ALMS1: variants seen among roughly 807,000 people sequenced by gnomAD.
The protein encoded by ALMS1 is centrosome-associated protein ALMS1.
Under a neutral mutation model 352.2 loss-of-function variants are expected in ALMS1, and 271 were observed. That is an observed-to-expected ratio of 0.77 (90% CI 0.70 to 0.85). The LOEUF (loss-of-function observed/expected upper bound fraction) is 0.85, where lower values mean the gene tolerates loss of function less well. Ranked by LOEUF, ALMS1 falls within the 40% of genes least tolerant of loss-of-function variation. The probability of loss-of-function intolerance (pLI) is 0.00; values close to 1 mark genes in which losing one functional copy is unlikely to be tolerated. For missense variants in ALMS1, 5,445 were observed against 4,870.7 expected (o/e 1.12, Z -3.51); for synonymous variants, 1,865 against 1,761.2 (o/e 1.06, Z -1.48).
chr2:73,580,636 C>G (rs1416722976), intron 16 of ALMS1, among the ~76,000 whole-genome samples: 1 of 152,294 alleles, frequency 6.6e-6, no homozygotes, highest in South Asian at 2.1e-4. Flanking sequence ...TTTCATGCCT[C>G]ATAATGTTAT....
Position 73,573,224 on chromosome 2 carries a change from T to C in ALMS1, c.11347T>C (p.Ser3783Pro). ...TCTGCACGAAAGGAGTAGCTCTGTT[T>C]CCACTATTGACACTGCCCGGCTGAT... Reference protein sequence around the residue: ...VALHERSSSVSTIDTARLIQA... With the variant: ...VALHERSSSVPTIDTARLIQA... The change falls in exon 16 of 23, where the codon TCC becomes CCC. Residue 3783 changes from serine (S) to proline (P), a missense_variant. Coordinates refer to ENST00000613296, the MANE Select transcript of ALMS1 (RefSeq NM_001378454.1). 1 of 1,613,144 alleles carries C rather than the reference T, an allele frequency of 6.2e-7. No homozygotes were observed. Among genetic ancestry groups the C allele is most frequent in the Non-Finnish European group, 8.5e-7 (1 of 1,179,250 alleles).
At chr2:73,560,359 C>T (rs1674631290) in intron 15 of ALMS1, among the ~76,000 whole-genome samples, 2 of 152,128 alleles carry the variant, frequency 1.3e-5, no homozygotes, top group African/African-American at 2.4e-5. Context: ...TCACTCACAC[C>T]TGTTAGGATG....
chr2:73,512,665 A>G lies in ALMS1; in HGVS notation c.9540-7110A>G, dbSNP rs1296866665. Among the ~76,000 whole-genome samples the G allele has an allele frequency of 4.6e-5, 7 of 151,984 alleles. No homozygotes were observed. The East Asian group carries it at 7.7e-4, about 17-fold the overall frequency. Reference sequence around the variant, plus strand: ...GTACAAAACCAAGTTTTCTTATTCTATTTATTGTTACTATTGTAATTTGTT... The same window carrying G: ...GTACAAAACCAAGTTTTCTTATTCTGTTTATTGTTACTATTGTAATTTGTT... On this transcript the variant is annotated intron_variant, in intron 10 of 22. Coordinates refer to ENST00000613296, the MANE Select transcript of ALMS1 (RefSeq NM_001378454.1).
rs1321803817 is a variant in ALMS1 at position 73,573,042 on chromosome 2, G to A, written c.11165G>A (p.Ser3722Asn). Residue 3722 changes from serine to asparagine, a missense_variant, in exon 16 of 23, where the codon AGT (serine) becomes AAT (asparagine). Transcript: ENST00000613296. ...ATTAAATTTGATAAATATATTCTGA[G>A]TAAACAGCCAGGTTTTAATTATATA... is the stretch of plus-strand genomic sequence containing the variant. Reference protein sequence around the residue: ...EQIKFDKYILSKQPGFNYISN... With the variant: ...EQIKFDKYILNKQPGFNYISN... 6.2e-7 allele frequency: 1 copy of A among 1,614,052 alleles called. No homozygotes were observed. Among genetic ancestry groups the A allele is most frequent in the Non-Finnish European group, 8.5e-7 (1 of 1,179,984 alleles).
At chr2:73,545,840 T>C (rs1674303721) in intron 12 of ALMS1, among the ~76,000 whole-genome samples, 1 of 152,242 alleles carries the variant, frequency 6.6e-6, no homozygotes, top group Non-Finnish European at 1.5e-5. Context: ...TATGAACATA[T>C]GACTACGGAA....
intron 9 of ALMS1, among the ~76,000 whole-genome samples, chr2:73,467,724 C>A (rs1255112259): frequency 1.3e-5 from 2 of 152,002 alleles, no homozygotes; most frequent in Non-Finnish European, 2.9e-5. Context: ...ATCAATTATG[C>A]TTTATTCATC....
intron 16 of ALMS1, among the ~76,000 whole-genome samples, chr2:73,587,619 T>C (rs1026314944): frequency 6.6e-6 from 1 of 152,232 alleles, no homozygotes; most frequent in African/African-American, 2.4e-5. Context: ...GCATCCCTGG[T>C]ATGAAACCCA....
chr2:73,437,395 A>AG (rs1332558212), intron 7 of ALMS1, among the ~76,000 whole-genome samples: 1 of 152,160 alleles, frequency 6.6e-6, no homozygotes, highest in Non-Finnish European at 1.5e-5. Flanking sequence ...AGCTGGGGGT[A>AG]GGGATGATTA....
At chr2:73,496,094 C>T (rs1011406128) in intron 10 of ALMS1, among the ~76,000 whole-genome samples, 1 of 152,220 alleles carries the variant, frequency 6.6e-6, no homozygotes, top group African/African-American at 2.4e-5. Context: ...ATTCTGCATT[C>T]CATCTTTGCC....
intron 10 of ALMS1, among the ~76,000 whole-genome samples, chr2:73,505,428 A>T (rs1328614045): frequency 6.6e-6 from 1 of 152,172 alleles, no homozygotes; most frequent in East Asian, 1.9e-4. Context: ...CTGGTGTGAG[A>T]TGGTATCTCA....
intron 21 of ALMS1, among the ~76,000 whole-genome samples, chr2:73,605,944 T>C (rs559932468): frequency 2.2e-4 from 34 of 152,328 alleles, no homozygotes; most frequent in African/African-American, 7.2e-4. Flanking sequence ...CAGTAACTTC[T>C]CTCGTTTCCA....
chr2:73,580,019 T>A (rs1675140766), intron 16 of ALMS1, among the ~76,000 whole-genome samples: 1 of 152,210 alleles, frequency 6.6e-6, no homozygotes, highest in South Asian at 2.1e-4. Flanking sequence ...CATCTGTTGG[T>A]AAGTTTGATG....
chr2:73,410,803 GTTAT>G (rs148573622), intron 2 of ALMS1, among the ~76,000 whole-genome samples: 5,417 of 152,214 alleles, frequency 0.036, 311 homozygotes, highest in African/African-American at 0.12. Flanking sequence ...GAGGAAAAAT[GTTAT>G]TAGTGTTACT....
Position 73,453,777 on chromosome 2 carries a change from G to T in ALMS1, c.7250G>T (p.Ser2417Ile), listed in dbSNP as rs780529444. 17 of 1,614,136 alleles carry T rather than the reference G, an allele frequency of 1.1e-5. No individual in the cohort carries two copies. The South Asian group carries it at 1.5e-4, about 15-fold the overall frequency. ...MMTVIKSDSS[S>I]DASDGNGSCS... The stretch of plus-strand genomic sequence containing the variant: ...ACTGTCATAAAAAGTGATTCAAGTA[G>T]TGATGCCAGTGATGGAAATGGTTCC... The change falls in exon 8 of 23, where the codon AGT becomes ATT. Residue 2417 changes from serine (S) to isoleucine (I), a missense_variant. Ser to Ile is a moderately radical substitution (Grantham distance 142). Transcript: ENST00000613296.
At chr2:73,443,870 A>AAG (rs1671761423) in intron 7 of ALMS1, among the ~76,000 whole-genome samples, 1 of 152,196 alleles carries the variant, frequency 6.6e-6, no homozygotes. Flanking sequence ...AGTTGTAATG[A>AAG]AGGCCTATGG....
At chr2:73,461,720 G>A (rs559266056) in intron 9 of ALMS1, among the ~76,000 whole-genome samples, 2 of 152,102 alleles carry the variant, frequency 1.3e-5, no homozygotes, top group African/African-American at 2.4e-5. Context: ...AAAATTAGAC[G>A]AATGGATACC....
chr2:73,511,863 TGTC>T (rs1271731560), intron 10 of ALMS1, among the ~76,000 whole-genome samples: 1 of 152,116 alleles, frequency 6.6e-6, no homozygotes. Context: ...TGTTTCAAAA[TGTC>T]AGTGCTGAGG....
Position 73,490,968 on chromosome 2 carries a change from T to G in ALMS1, c.9009T>G (p.Pro3003=), listed in dbSNP as rs1258285694. The change falls in exon 10 of 23, where the codon CCT becomes CCG. Residue 3003 remains proline (P), a synonymous_variant. Transcript: ENST00000613296. ...TGGAAAAGAATAATCAACATAAGCC[T>G]AAATCACACATTTCTAATATAAATG... The part of the protein sequence containing the change: ...CVVEKNNQHK[P]KSHISNINVE... 1 of 1,614,206 alleles carries G rather than the reference T, an allele frequency of 6.2e-7. No individual in the cohort carries two copies. Among genetic ancestry groups the G allele is most frequent in the Non-Finnish European group, 8.5e-7 (1 of 1,180,030 alleles).
chr2:73,520,757 G>A (rs1204667015), intron 11 of ALMS1, among the ~76,000 whole-genome samples: 2 of 152,152 alleles, frequency 1.3e-5, no homozygotes, highest in East Asian at 3.8e-4. Context: ...CATTTAGAGT[G>A]TTTTATATGC....
Sources: allele counts gnomAD v4.1 joint callset (sites outside exome capture counted in the v4.1 genomes callset), GRCh38; gene constraint gnomAD v4.1.1; transcripts MANE v1.5; gene names NCBI Gene and HGNC (gene_info 2026-07-23, HGNC 2026-07-21).